The following CNTN5 variants were observed in gnomAD, a reference collection of about 807,000 sequenced individuals.
The protein encoded by CNTN5 is contactin-5.
Under a neutral mutation model 129.1 loss-of-function variants are expected in CNTN5, and 77 were observed. That is an observed-to-expected ratio of 0.60 (90% CI 0.50 to 0.72). The LOEUF is 0.72. CNTN5 is among the 30% of genes least tolerant of loss of function. The pLI, the probability that CNTN5 is intolerant of heterozygous loss-of-function variation, is 0.00. For synonymous variants in CNTN5, 509 were observed against 465.6 expected (o/e 1.09, Z -1.20); for missense variants, 1,478 against 1,328.8 (o/e 1.11, Z -1.75).
At chr11:100,020,242 T>A (rs1441258451) in intron 9 of CNTN5, among the ~76,000 whole-genome samples, 1 of 152,106 alleles carries the variant, frequency 6.6e-6, no homozygotes, top group African/African-American at 2.4e-5. Flanking sequence ...CTCTGTTTTC[T>A]TTCAGCAGTT....
intron 17 of CNTN5, among the ~76,000 whole-genome samples, chr11:100,258,825 C>G (rs1317588106): frequency 6.6e-6 from 1 of 152,208 alleles, no homozygotes; most frequent in Non-Finnish European, 1.5e-5. Context: ...AAAACCCATA[C>G]AGCCTCTGCA....
At chr11:99,909,199 T>C (rs1949589178) in intron 6 of CNTN5, among the ~76,000 whole-genome samples, 1 of 152,102 alleles carries the variant, frequency 6.6e-6, no homozygotes, top group Admixed American at 6.6e-5. Flanking sequence ...GTCCCATTCA[T>C]AGGTGACTGA....
At chr11:99,575,809 G>A (rs1186832098) in intron 3 of CNTN5, among the ~76,000 whole-genome samples, 3 of 152,116 alleles carry the variant, frequency 2.0e-5, no homozygotes, top group African/African-American at 7.2e-5. Context: ...GAAAGAGGAA[G>A]GTAGTCTCCC....
At chr11:99,656,447 G>A (rs11604126) in intron 3 of CNTN5, among the ~76,000 whole-genome samples, 7,353 of 152,142 alleles carry the variant, frequency 0.048, 210 homozygotes, top group East Asian at 0.11. Flanking sequence ...GATGCAAAGC[G>A]CCAGGCGTAA....
chr11:99,590,286 T>C (rs1034599431), intron 3 of CNTN5, among the ~76,000 whole-genome samples: 15 of 152,164 alleles, frequency 9.9e-5, no homozygotes, highest in Non-Finnish European at 1.5e-5. Context: ...GACTGCTGGA[T>C]ACAGAAAGGC....
chr11:99,060,421 AG>A (rs1864825580), intron 1 of CNTN5, among the ~76,000 whole-genome samples: 1 of 152,162 alleles, frequency 6.6e-6, no homozygotes, highest in South Asian at 2.1e-4. Context: ...GGTTGTAGAA[AG>A]TCCACAAATT....
intron 1 of CNTN5, among the ~76,000 whole-genome samples, chr11:99,111,227 G>C (rs980199203): frequency 3.3e-5 from 5 of 151,994 alleles, no homozygotes; most frequent in African/African-American, 1.2e-4. Context: ...TGCACATGTT[G>C]CACGCCCATC....
At chr11:99,943,752 C>G (rs746980955) in intron 7 of CNTN5, among the ~76,000 whole-genome samples, 9 of 151,980 alleles carry the variant, frequency 5.9e-5, no homozygotes, top group Non-Finnish European at 1.5e-5. Flanking sequence ...TTCTGCATAT[C>G]GCTACCCAGT....
intron 15 of CNTN5, among the ~76,000 whole-genome samples, chr11:100,205,022 T>G (rs1671320923): frequency 6.6e-6 from 1 of 152,052 alleles, no homozygotes; most frequent in African/African-American, 2.4e-5. Flanking sequence ...GATAAAAGAT[T>G]GTTCCTATTA....
At chr11:99,569,019 T>C (rs1366071045) in intron 3 of CNTN5, among the ~76,000 whole-genome samples, 1 of 152,190 alleles carries the variant, frequency 6.6e-6, no homozygotes, top group Non-Finnish European at 1.5e-5. Flanking sequence ...GGTTGGTGAC[T>C]AGGCTTATAG....
chr11:100,114,528 A>G (rs1225802359), intron 13 of CNTN5, among the ~76,000 whole-genome samples: 1 of 152,138 alleles, frequency 6.6e-6, no homozygotes, highest in Admixed American at 6.6e-5. Context: ...AGATTATCAC[A>G]TTAATTACAA....
chr11:99,648,601 A>G (rs1293601654), intron 3 of CNTN5, among the ~76,000 whole-genome samples: 1 of 151,846 alleles, frequency 6.6e-6, no homozygotes. Flanking sequence ...TGTCAAAGAG[A>G]TATTCTCACC....
At position 99,431,297 on chromosome 11, in the gene CNTN5, G is replaced by A. The variant is rs1213876399; in HGVS notation, c.-71+105813G>A. Among the ~76,000 whole-genome samples the A allele has an allele frequency of 2.0e-5, 3 of 151,956 alleles. No homozygotes were observed. In the East Asian group the frequency reaches 5.8e-4, roughly 29 times the overall value. On this transcript the variant is annotated intron_variant, in intron 2 of 24. Transcript: ENST00000524871. ...TTCATGTACTTAATATAGAAACGGG[G>A]CCCAGACTGAAGACTGCTTTCTACC... is the stretch of plus-strand genomic sequence containing the variant.
intron 7 of CNTN5, among the ~76,000 whole-genome samples, chr11:99,923,504 A>G (rs1465791919): frequency 1.3e-5 from 2 of 152,304 alleles, no homozygotes; most frequent in African/African-American, 4.8e-5. Flanking sequence ...ATTTATTACT[A>G]TTTTACTTAC....
chr11:99,503,370 G>A (rs1946496860), intron 2 of CNTN5, among the ~76,000 whole-genome samples: 1 of 152,158 alleles, frequency 6.6e-6, no homozygotes, highest in Admixed American at 6.5e-5. Flanking sequence ...AGAAAAGACA[G>A]CAACGTGTCT....
Position 100,191,189 on chromosome 11 carries a change from G to T in CNTN5, c.1644G>T (p.Lys548Asn), listed in dbSNP as rs1309251306. The change falls in exon 14 of 25, where the codon AAG becomes AAT. Residue 548 changes from lysine to asparagine, a missense_variant. Lys to Asn is a moderately conservative substitution (Grantham distance 94, BLOSUM62 0). Transcript: ENST00000524871. ...ILNASKSDEG[K>N]YVCRGENVFG... is the part of the protein sequence containing the mutation. ...ATGCTTCCAAATCAGACGAGGGAAA[G>T]TACGTTTGCCGAGGGGAAAACGTCT... The T allele has an allele frequency of 6.2e-7, 1 of 1,611,856 alleles. No homozygotes were observed. Among genetic ancestry groups the T allele is most frequent in the Non-Finnish European group, 8.5e-7 (1 of 1,178,462 alleles).
chr11:99,862,639 AATT>A (rs1371851525), intron 6 of CNTN5, among the ~76,000 whole-genome samples: 3 of 152,058 alleles, frequency 2.0e-5, no homozygotes, highest in Non-Finnish European at 4.4e-5. Flanking sequence ...ATTACTGATT[AATT>A]ATTAATTATA....
At chr11:99,266,579 G>A (rs1862905848) in intron 1 of CNTN5, among the ~76,000 whole-genome samples, 2 of 152,172 alleles carry the variant, frequency 1.3e-5, no homozygotes, top group South Asian at 4.1e-4. Flanking sequence ...TTCAGCCTGG[G>A]CAACAGAGCA....
intron 16 of CNTN5, among the ~76,000 whole-genome samples, chr11:100,229,063 C>G (rs759384216): frequency 8.5e-5 from 13 of 152,140 alleles, no homozygotes; most frequent in Admixed American, 2.0e-4. Flanking sequence ...GAAGCTAGCG[C>G]TAACTAATTA....
Sources: allele counts gnomAD v4.1 joint callset (sites outside exome capture counted in the v4.1 genomes callset), GRCh38; gene constraint gnomAD v4.1.1; transcripts MANE v1.5; gene names NCBI Gene and HGNC (gene_info 2026-07-23, HGNC 2026-07-21).